RAC1: variants seen among roughly 807,000 people sequenced by gnomAD.
RAC1 encodes the protein ras-related C3 botulinum toxin substrate 1.
Under a neutral mutation model 25.2 loss-of-function variants are expected in RAC1, and 2 were observed. The ratio of observed to expected loss-of-function variants is 0.08; its 90% CI spans 0.03 to 0.25. RAC1 has a LOEUF of 0.25. RAC1 is among the 10% of genes least tolerant of loss of function. RAC1 has a pLI of 1.00. For missense variants in RAC1, 50 were observed against 235.7 expected (o/e 0.21, Z 5.16); for synonymous variants, 88 against 94.0 (o/e 0.94, Z 0.37).
intron 1 of RAC1, among the ~76,000 whole-genome samples, chr7:6,379,837 C>T (rs1450389742): frequency 6.6e-6 from 1 of 152,208 alleles, no homozygotes; most frequent in African/African-American, 2.4e-5. Context: ...CAACCTCTGC[C>T]TCCTGGGTTC....
intron 1 of RAC1, among the ~76,000 whole-genome samples, chr7:6,384,845 C>G (rs118094116): frequency 0.015 from 2,324 of 152,242 alleles, 23 homozygotes; most frequent in South Asian, 0.032. Flanking sequence ...CTTTGTCCCT[C>G]AGACTGGATG....
chr7:6,379,387 G>T (rs1416263356), intron 1 of RAC1, among the ~76,000 whole-genome samples: 1 of 149,330 alleles, frequency 6.7e-6, no homozygotes, highest in African/African-American at 2.5e-5. Flanking sequence ...CGATTCTCCT[G>T]CCTCAGCTTG....
At chr7:6,398,212 T>TTGTC (rs74534334) in intron 3 of RAC1, among the ~76,000 whole-genome samples, 92,616 of 151,836 alleles carry the variant, frequency 0.61, 30,118 homozygotes, top group East Asian at 0.91. Flanking sequence ...GGAGAGCCCT[T>TTGTC]TGGCAGGCAT....
chr7:6,387,615 C>T (rs528435831), intron 2 of RAC1, among the ~76,000 whole-genome samples: 73 of 151,810 alleles, frequency 4.8e-4, no homozygotes, highest in African/African-American at 1.7e-3. Context: ...ATCCCACATA[C>T]TTGGGAGGCT....
chr7:6,397,881 TGGGAGG>T (rs36116708), intron 3 of RAC1, among the ~76,000 whole-genome samples: 1 of 152,154 alleles, frequency 6.6e-6, no homozygotes, highest in East Asian at 1.9e-4. Flanking sequence ...CCCAGCTACT[TGGGAGG>T]CTAAGGCAGG....
intron 1 of RAC1, among the ~76,000 whole-genome samples, chr7:6,381,584 G>C (rs1357290132): frequency 6.9e-6 from 1 of 145,590 alleles, no homozygotes; most frequent in African/African-American, 2.4e-5. Flanking sequence ...TAGTAGAGAC[G>C]GGGTTTCACT....
At chr7:6,377,421 C>T (rs1240805112) in intron 1 of RAC1, among the ~76,000 whole-genome samples, 1 of 151,838 alleles carries the variant, frequency 6.6e-6, no homozygotes, top group Non-Finnish European at 1.5e-5. Context: ...TGGCGAGACC[C>T]TGTCTCTGCT....
chr7:6,388,755 G>C (rs1321626273), intron 2 of RAC1, among the ~76,000 whole-genome samples: 1 of 152,088 alleles, frequency 6.6e-6, no homozygotes, highest in Non-Finnish European at 1.5e-5. Flanking sequence ...TGATTTTGAA[G>C]TACTATAACT....
At chr7:6,398,468 C>T (rs1583269563) in intron 3 of RAC1, among the ~76,000 whole-genome samples, 1 of 152,210 alleles carries the variant, frequency 6.6e-6, no homozygotes, top group Non-Finnish European at 1.5e-5. Context: ...GAACTTAACG[C>T]CTGCTTTTGA....
rs141138828 is a variant in RAC1 at position 6,397,066 on chromosome 7, C to T, written c.226-3060C>T. On this transcript the variant is annotated intron_variant, in intron 3 of 5. Transcript: ENST00000348035. ...AAAAAAAAAAAAAAGAAAAGAAACC[C>T]CGTCTCTACTAAAAATACAAAAAAT... 6.5e-3 allele frequency among the ~76,000 whole-genome samples: 923 copies of T among 142,658 alleles called. 11 individuals are homozygous for T. The highest frequency in any genetic ancestry group is 0.01 in the Non-Finnish European group (684 of 65,572). The allele number at this position is 142,658 out of a possible 152,430, so 93.6% of individuals were successfully genotyped here.
chr7:6,392,502 A>G (rs1446834309), intron 3 of RAC1, among the ~76,000 whole-genome samples: 2 of 152,168 alleles, frequency 1.3e-5, no homozygotes, highest in Non-Finnish European at 2.9e-5. Flanking sequence ...GAACCATACA[A>G]TAGAACCTAA....
chr7:6,389,540 C>A (rs540052571), intron 2 of RAC1, among the ~76,000 whole-genome samples: 5 of 151,960 alleles, frequency 3.3e-5, no homozygotes, highest in African/African-American at 9.6e-5. Context: ...ATTAGCTGGG[C>A]ATGGTGGCAC....
At chr7:6,383,784 C>CTTTTT (rs34847745) in intron 1 of RAC1, among the ~76,000 whole-genome samples, 843 of 39,840 alleles carry the variant, frequency 0.021, 36 homozygotes, top group East Asian at 0.041. Flanking sequence ...CAACCTTTAT[C>CTTTTT]TTTTTTTTTT....
intron 2 of RAC1, among the ~76,000 whole-genome samples, chr7:6,387,720 C>T (rs1374721798): frequency 6.7e-6 from 1 of 148,706 alleles, no homozygotes; most frequent in Non-Finnish European, 1.5e-5. Context: ...AGCGAAACTC[C>T]ATCTCAAAAG....
intron 3 of RAC1, chr7:6,398,806 C>T (rs1043163217): frequency 1.6e-6 from 2 of 1,260,772 alleles, no homozygotes; most frequent in Admixed American, 1.9e-5. Flanking sequence ...TATTAAGCCT[C>T]AAGCTCCTTG....
At chr7:6,401,105 G>A (rs1367316432) in intron 4 of RAC1, among the ~76,000 whole-genome samples, 1 of 151,958 alleles carries the variant, frequency 6.6e-6, no homozygotes, top group East Asian at 1.9e-4. Flanking sequence ...ACAGGTGCCC[G>A]CCAACACACC....
intron 3 of RAC1, among the ~76,000 whole-genome samples, chr7:6,397,190 G>C (rs532811572): frequency 0.016 from 1,885 of 117,170 alleles, 31 homozygotes; most frequent in South Asian, 0.035. Flanking sequence ...GCAGTGAGCC[G>C]AGATCGCGCC....
intron 3 of RAC1, among the ~76,000 whole-genome samples, chr7:6,398,471 G>A (rs1036660211): frequency 1.3e-5 from 2 of 152,198 alleles, no homozygotes; most frequent in Admixed American, 1.3e-4. Flanking sequence ...CTTAACGCCT[G>A]CTTTTGACCA....
intron 2 of RAC1, 96 bp downstream of exon 2, chr7:6,387,379 A>G: frequency 3.6e-6 from 3 of 844,030 alleles, no homozygotes; most frequent in East Asian, 2.8e-5. Context: ...TAATCCTCAT[A>G]TGAACAGATA....
Sources: allele counts gnomAD v4.1 joint callset (sites outside exome capture counted in the v4.1 genomes callset), GRCh38; gene constraint gnomAD v4.1.1; transcripts MANE v1.5; gene names NCBI Gene and HGNC (gene_info 2026-07-23, HGNC 2026-07-21).